Variants in SPIDR observed in about 807,000 individuals in gnomAD.
The protein encoded by SPIDR is scaffold protein involved in DNA repair.
A neutral mutation model predicts 104.6 loss-of-function variants in SPIDR; 93 were observed. The ratio of observed to expected loss-of-function variants is 0.89; its 90% CI spans 0.75 to 1.06. The LOEUF is 1.06. Among genes scored for constraint, SPIDR ranks in the 50% least tolerant of loss-of-function variants. The probability of loss-of-function intolerance (pLI) is 0.00; values close to 1 mark genes in which losing one functional copy is unlikely to be tolerated. For synonymous variants in SPIDR, 431 were observed against 416.9 expected, an observed-to-expected ratio of 1.03 and a Z score of -0.41; for missense variants, 1,154 against 1,111.2, an observed-to-expected ratio of 1.04 and a Z score of -0.55.
At chr8:47,499,962 G>C (rs1354565481) in intron 8 of SPIDR, among the ~76,000 whole-genome samples, 1 of 152,146 alleles carries the variant, frequency 6.6e-6, no homozygotes, top group Non-Finnish European at 1.5e-5. Flanking sequence ...TCCCTACAAA[G>C]GACATGAACT....
intron 8 of SPIDR, among the ~76,000 whole-genome samples, chr8:47,553,736 C>A (rs1168686577): frequency 6.6e-6 from 1 of 152,208 alleles, no homozygotes; most frequent in Non-Finnish European, 1.5e-5. Flanking sequence ...TCATCTGAAG[C>A]CTTCTTCTCT....
At chr8:47,604,265 GA>G (rs777582198) in intron 10 of SPIDR, among the ~76,000 whole-genome samples, 94 of 152,344 alleles carry the variant, frequency 6.2e-4, no homozygotes, top group African/African-American at 2.0e-3. Flanking sequence ...GCTCACAGAA[GA>G]GAGAATACCT....
chr8:47,261,752 C>T (rs1178824648), intron 1 of SPIDR, among the ~76,000 whole-genome samples: 4 of 152,200 alleles, frequency 2.6e-5, no homozygotes, highest in Non-Finnish European at 5.9e-5. Flanking sequence ...TTCTTTACCA[C>T]TACCATGCTT....
rs187355020 is a variant in SPIDR, at chr8:47,626,547, A to T, written c.1544+27351A>T. 1.5e-4 allele frequency among the ~76,000 whole-genome samples: 23 copies of T among 152,304 alleles called. 1 individual carries two copies. The highest frequency in any genetic ancestry group is 5.1e-4 in the African/African-American group (21 of 41,572). On this transcript the variant is annotated intron_variant, in intron 10 of 19. Transcript: ENST00000297423. Reference sequence around the variant, plus strand: ...GAACTCAAACAAATTTACAAGAAAAAAACAAACAACCCCATCAACAAATGG... The same window carrying T: ...GAACTCAAACAAATTTACAAGAAAATAACAAACAACCCCATCAACAAATGG...
At chr8:47,322,093 C>T (rs1301730428) in intron 5 of SPIDR, among the ~76,000 whole-genome samples, 1 of 152,012 alleles carries the variant, frequency 6.6e-6, no homozygotes, top group African/African-American at 2.4e-5. Flanking sequence ...AAATTGACAA[C>T]TAGGATCTAA....
chr8:47,723,031 G>A (rs2083635072), intron 16 of SPIDR, among the ~76,000 whole-genome samples: 1 of 151,746 alleles, frequency 6.6e-6, no homozygotes. Flanking sequence ...TGTTATTGTT[G>A]TTGTTGTTGT....
intron 5 of SPIDR, among the ~76,000 whole-genome samples, chr8:47,313,732 A>C (rs2044694603): frequency 6.6e-6 from 1 of 152,244 alleles, no homozygotes; most frequent in African/African-American, 2.4e-5. Context: ...TCAGTGGAAC[A>C]GAACAGAGCC....
intron 10 of SPIDR, among the ~76,000 whole-genome samples, chr8:47,667,319 T>A (rs1329931276): frequency 2.0e-5 from 3 of 151,122 alleles, no homozygotes; most frequent in African/African-American, 7.3e-5. Context: ...AAGAAAGGAC[T>A]GGACACAGTG....
At chr8:47,702,421 T>C (rs577820234) in intron 14 of SPIDR, among the ~76,000 whole-genome samples, 1 of 152,256 alleles carries the variant, frequency 6.6e-6, no homozygotes, top group East Asian at 1.9e-4. Flanking sequence ...ATTTATGTGG[T>C]AGAAGTGGGA....
At chr8:47,594,977 C>CA (rs1169369282) in intron 8 of SPIDR, among the ~76,000 whole-genome samples, 1 of 152,090 alleles carries the variant, frequency 6.6e-6, no homozygotes, top group Non-Finnish European at 1.5e-5. Flanking sequence ...GCCTGGGCGA[C>CA]AGAGCCGAGA....
At chr8:47,533,994 C>G (rs990071128) in intron 8 of SPIDR, among the ~76,000 whole-genome samples, 1 of 152,186 alleles carries the variant, frequency 6.6e-6, no homozygotes, top group Admixed American at 6.6e-5. Flanking sequence ...AGGGCGGGAC[C>G]AGGTGGAGGT....
chr8:47,307,496 G>A (rs1365943370), intron 5 of SPIDR, among the ~76,000 whole-genome samples: 4 of 149,830 alleles, frequency 2.7e-5, no homozygotes, highest in African/African-American at 9.8e-5. Flanking sequence ...TGGGATTACA[G>A]GTGTGAGCCA....
chr8:47,381,210 C>T (rs1165108874), intron 5 of SPIDR, among the ~76,000 whole-genome samples: 2 of 152,174 alleles, frequency 1.3e-5, no homozygotes, highest in Non-Finnish European at 2.9e-5. Context: ...CAGAATGATT[C>T]CTGATACACA....
intron 4 of SPIDR, among the ~76,000 whole-genome samples, chr8:47,292,266 G>C (rs924083937): frequency 6.6e-6 from 1 of 152,094 alleles, no homozygotes; most frequent in African/African-American, 2.4e-5. Context: ...TGTACAGACA[G>C]CTTCTCGGGA....
intron 11 of SPIDR, among the ~76,000 whole-genome samples, chr8:47,674,918 C>A (rs2076231346): frequency 6.6e-6 from 1 of 152,204 alleles, no homozygotes; most frequent in East Asian, 1.9e-4. Flanking sequence ...GCTTGTTTTC[C>A]TGGGAGACAT....
intron 8 of SPIDR, among the ~76,000 whole-genome samples, chr8:47,493,168 G>C (rs993781777): frequency 5.3e-5 from 8 of 151,968 alleles, no homozygotes; most frequent in Non-Finnish European, 1.2e-4. Context: ...TTTGGAGACT[G>C]CTAGCTCCTT....
intron 10 of SPIDR, among the ~76,000 whole-genome samples, chr8:47,671,760 A>T (rs1356692284): frequency 6.6e-6 from 1 of 152,124 alleles, no homozygotes; most frequent in Non-Finnish European, 1.5e-5. Context: ...TAGAAGGTTG[A>T]TTTAAGTCAA....
intron 16 of SPIDR, among the ~76,000 whole-genome samples, chr8:47,721,767 G>A (rs977618151): frequency 3.3e-5 from 5 of 152,130 alleles, no homozygotes; most frequent in East Asian, 1.9e-4. Flanking sequence ...GAGCCACCGC[G>A]CCCGGCCAAT....
intron 8 of SPIDR, chr8:47,511,937 T>C: frequency 1.0e-5 from 8 of 794,166 alleles, no homozygotes; most frequent in Admixed American, 6.9e-5. Context: ...GTCACTCTAT[T>C]ATCACTAGGG....
Sources: allele counts gnomAD v4.1 joint callset (sites outside exome capture counted in the v4.1 genomes callset), GRCh38; gene constraint gnomAD v4.1.1; transcripts MANE v1.5; gene names NCBI Gene and HGNC (gene_info 2026-07-23, HGNC 2026-07-21).